THSD4: variants seen among roughly 807,000 people sequenced by gnomAD.
The protein encoded by THSD4 is thrombospondin type 1 domain containing 4.
In THSD4, 69 loss-of-function variants were observed where a neutral mutation model predicts 119.0. That is an observed-to-expected ratio of 0.58 (90% CI 0.48 to 0.71). The LOEUF is 0.71. THSD4 is among the 30% of genes least tolerant of loss of function. THSD4 has a pLI of 0.00. For synonymous variants in THSD4, 524 were observed against 540.4 expected (o/e 0.97, Z 0.42); for missense variants, 1,393 against 1,391.1 (o/e 1.00, Z -0.02).
intron 6 of THSD4, among the ~76,000 whole-genome samples, chr15:71,292,984 C>A (rs1257332363): frequency 2.0e-5 from 3 of 152,152 alleles, no homozygotes; most frequent in Non-Finnish European, 4.4e-5. Context: ...CCAAATATAA[C>A]AGGACTTTTG....
intron 7 of THSD4, among the ~76,000 whole-genome samples, chr15:71,500,140 G>A (rs114390054): frequency 0.023 from 3,494 of 152,006 alleles, 130 homozygotes; most frequent in African/African-American, 0.08. Flanking sequence ...TCTCACCAAC[G>A]CTTGTTATTA....
Position 71,698,028 on chromosome 15 carries a change from G to T in THSD4, c.1358-30521G>T, listed in dbSNP as rs146381050. ...TCTCTCACTGAAGAAGGGGCCAAGG[G>T]CCTCCCCCTCATCAGCTCAGCCCCT... On this transcript the variant is annotated intron_variant, in intron 8 of 17. Transcript: ENST00000261862. Among the ~76,000 whole-genome samples, 820 of 152,220 alleles carry T rather than the reference G, an allele frequency of 5.4e-3. 6 individuals carry two copies. The highest frequency in any genetic ancestry group is 9.6e-3 in the Non-Finnish European group (654 of 68,000).
intron 4 of THSD4, among the ~76,000 whole-genome samples, chr15:71,229,879 T>C (rs1441592672): frequency 1.3e-5 from 2 of 152,176 alleles, no homozygotes; most frequent in East Asian, 3.8e-4. Context: ...AGAAGTGATA[T>C]AGAGTAAGTG....
intron 7 of THSD4, among the ~76,000 whole-genome samples, chr15:71,558,084 T>C (rs1415527686): frequency 2.0e-5 from 3 of 152,154 alleles, no homozygotes; most frequent in African/African-American, 7.2e-5. Flanking sequence ...TCCCAGCACT[T>C]TGGGAGGTCG....
At chr15:71,560,970 C>CTTTTT (rs11292320) in intron 7 of THSD4, among the ~76,000 whole-genome samples, 3 of 123,982 alleles carry the variant, frequency 2.4e-5, no homozygotes, top group East Asian at 2.6e-4. Flanking sequence ...TTCTCTTTAT[C>CTTTTT]TTTTTTTTTT....
intron 6 of THSD4, among the ~76,000 whole-genome samples, chr15:71,383,135 C>A (rs918740008): frequency 3.3e-5 from 5 of 152,090 alleles, no homozygotes; most frequent in Non-Finnish European, 5.9e-5. Context: ...TTCTGTCTTC[C>A]TACTTTTTGA....
chr15:71,574,993 T>C (rs2049422990), intron 7 of THSD4, among the ~76,000 whole-genome samples: 1 of 152,138 alleles, frequency 6.6e-6, no homozygotes, highest in African/African-American at 2.4e-5. Context: ...CTTGGGGCTT[T>C]AGCGATGCAT....
intron 6 of THSD4, among the ~76,000 whole-genome samples, chr15:71,377,758 A>T (rs1220450885): frequency 6.6e-6 from 1 of 152,002 alleles, no homozygotes; most frequent in Non-Finnish European, 1.5e-5. Context: ...GTTGCAGGTC[A>T]TCCTGGGCCT....
At chr15:71,143,306 G>A (rs959167630) in intron 2 of THSD4, among the ~76,000 whole-genome samples, 2 of 152,050 alleles carry the variant, frequency 1.3e-5, no homozygotes, top group African/African-American at 2.4e-5. Flanking sequence ...GAGTTTAAAA[G>A]ATATTTCAAG....
intron 7 of THSD4, among the ~76,000 whole-genome samples, chr15:71,591,916 C>G (rs1391585673): frequency 2.0e-5 from 3 of 152,066 alleles, no homozygotes; most frequent in African/African-American, 7.2e-5. Flanking sequence ...TGTTTGTGGG[C>G]CTGATGGGTG....
chr15:71,341,627 G>A lies in THSD4; in HGVS notation c.1016-70060G>A, dbSNP rs368121730. 3.8e-6 allele frequency: 6 copies of A among 1,587,282 alleles called. No individual in the cohort carries two copies. The African/African-American group carries it at 6.7e-5, about 18-fold the overall frequency. ...CTTGATGGCCTGAGCAGTTTCACGAGTGTTCTTAAAGTGAACACGAAGATT... is the reference window on the plus strand; with the variant it reads ...CTTGATGGCCTGAGCAGTTTCACGAATGTTCTTAAAGTGAACACGAAGATT... On this transcript the variant is annotated intron_variant, in intron 6 of 17. Transcript: ENST00000261862.
intron 2 of THSD4, among the ~76,000 whole-genome samples, chr15:71,146,329 G>A (rs1340399885): frequency 6.6e-6 from 1 of 152,172 alleles, no homozygotes; most frequent in East Asian, 1.9e-4. Context: ...TTAAAGTGCA[G>A]TGAGAATATA....
chr15:71,710,237 T>C (rs1345462526), intron 8 of THSD4, among the ~76,000 whole-genome samples: 1 of 152,240 alleles, frequency 6.6e-6, no homozygotes, highest in Admixed American at 6.5e-5. Context: ...CCACCCTCTG[T>C]TCCAGGATGA....
chr15:71,671,535 T>C lies in THSD4; in HGVS notation c.1357+10801T>C, dbSNP rs149746736. The stretch of plus-strand genomic sequence containing the variant: ...TGGCTTTTGTTGCCATTGCTTTTGG[T>C]GTTTTAGACTGAAGCCCTTGCCCAT... On this transcript the variant is annotated intron_variant, in intron 8 of 17. Transcript: ENST00000261862. Among the ~76,000 whole-genome samples the C allele has an allele frequency of 9.5e-3, 1,449 of 152,298 alleles. 29 individuals carry two copies. The highest frequency in any genetic ancestry group is 0.033 in the African/African-American group (1,371 of 41,568).
At chr15:71,724,295 T>A (rs1555445878) in intron 8 of THSD4, among the ~76,000 whole-genome samples, 2 of 39,470 alleles carry the variant, frequency 5.1e-5, no homozygotes, top group Non-Finnish European at 2.3e-4. Flanking sequence ...ATATTTTTTT[T>A]TTCCCCCCAA....
At chr15:71,429,285 C>T (rs747383208) in intron 7 of THSD4, among the ~76,000 whole-genome samples, 4 of 152,126 alleles carry the variant, frequency 2.6e-5, no homozygotes, top group South Asian at 2.1e-4. Flanking sequence ...GGATAGTAAA[C>T]GATTGTTAGG....
intron 3 of THSD4, among the ~76,000 whole-genome samples, chr15:71,202,777 T>C (rs2043814155): frequency 6.6e-6 from 1 of 151,924 alleles, no homozygotes; most frequent in Non-Finnish European, 1.5e-5. Context: ...TAGAGAAGCC[T>C]GGTGGTTGCG....
chr15:71,624,360 A>G (rs1301302236), intron 7 of THSD4, among the ~76,000 whole-genome samples: 3 of 152,232 alleles, frequency 2.0e-5, no homozygotes, highest in African/African-American at 7.2e-5. Context: ...AACAAAATAG[A>G]TGAACATGTT....
At chr15:71,739,351 G>A (rs1258157333) in intron 11 of THSD4, among the ~76,000 whole-genome samples, 3 of 152,194 alleles carry the variant, frequency 2.0e-5, no homozygotes, top group Non-Finnish European at 4.4e-5. Flanking sequence ...AGAAAAGATA[G>A]AGTTGTAGGA....
Sources: allele counts gnomAD v4.1 joint callset (sites outside exome capture counted in the v4.1 genomes callset), GRCh38; gene constraint gnomAD v4.1.1; transcripts MANE v1.5; gene names NCBI Gene and HGNC (gene_info 2026-07-23, HGNC 2026-07-21).